The following FGR variants were observed in gnomAD, a reference collection of about 807,000 sequenced individuals.
The protein encoded by FGR is tyrosine-protein kinase Fgr.
In FGR, 26 loss-of-function variants were observed where a neutral mutation model predicts 63.2. That is an observed-to-expected ratio of 0.41 (90% CI 0.30 to 0.57). The LOEUF (loss-of-function observed/expected upper bound fraction) is 0.57, where lower values mean the gene tolerates loss of function less well. FGR is among the 20% of genes least tolerant of loss of function. The probability of loss-of-function intolerance (pLI) is 0.27; values close to 1 mark genes in which losing one functional copy is unlikely to be tolerated. For synonymous variants in FGR, 286 were observed against 277.7 expected, an observed-to-expected ratio of 1.03 and a Z score of -0.30; for missense variants, 511 against 690.8, an observed-to-expected ratio of 0.74 and a Z score of 2.92.
At chr1:27,619,164 G>A (rs1210578678) in intron 5 of FGR, among the ~76,000 whole-genome samples, 3 of 152,176 alleles carry the variant, frequency 2.0e-5, no homozygotes, top group East Asian at 3.9e-4. Context: ...TTCCTTAACC[G>A]TCTATATAGC....
intron 1 of FGR, among the ~76,000 whole-genome samples, chr1:27,628,933 G>A (rs74060732): frequency 0.063 from 9,660 of 152,262 alleles, 687 homozygotes; most frequent in African/African-American, 0.18. Flanking sequence ...ATGCTGAGGC[G>A]TCAGGGGATG....
rs535879337 is a variant in FGR at position 27,627,653 on chromosome 1, G to C, written c.-76-2502C>G. On this transcript the variant is annotated intron_variant, in intron 1 of 12. Coordinates refer to ENST00000374005, the MANE Select transcript of FGR (RefSeq NM_005248.3). ...GAGGGAGTTTCACTCTTGTCACCCA[G>C]GCTGGAGTGCAATGGCATGATCTCA... Among the ~76,000 whole-genome samples, 17 of 152,172 alleles carry C rather than the reference G, an allele frequency of 1.1e-4. No individual in the cohort carries two copies. In the South Asian group the frequency reaches 3.5e-3, roughly 32 times the overall value.
At position 27,617,437 on chromosome 1, in the gene FGR, G is replaced by A; in HGVS notation, c.429-141C>T. 1 of 643,808 alleles carries A rather than the reference G, an allele frequency of 1.6e-6. No homozygotes were observed. Among genetic ancestry groups the A allele is most frequent in the Non-Finnish European group, 2.8e-6 (1 of 356,520 alleles). 39.9% of individuals were successfully genotyped at this position (643,808 alleles called of 1,614,324 possible). A position where few individuals can be genotyped will look rare whatever the true frequency, so the allele number is the denominator to read the frequency against. ...GTACACCTGCTTCACATCCTGGCTG[G>A]GAGGGTTACAGAGAAGGGGAGTGTA... is the stretch of plus-strand genomic sequence containing the variant. On this transcript the variant is annotated intron_variant, in intron 5 of 12. Coordinates refer to ENST00000374005, the MANE Select transcript of FGR (RefSeq NM_005248.3). This position sits in a 1 kb window ranked among gnomAD's most constrained non-coding sequence, Gnocchi z 4.5.
intron 4 of FGR, 35 bp from the exon 5 acceptor site, chr1:27,621,692 C>T: frequency 1.3e-6 from 2 of 1,530,396 alleles, no homozygotes; most frequent in Admixed American, 3.3e-5. Context: ...TCAGCAGCAC[C>T]TCCAGCCCCC....
intron 1 of FGR, among the ~76,000 whole-genome samples, chr1:27,632,080 G>A (rs1451409370): frequency 6.6e-6 from 1 of 150,468 alleles, no homozygotes; most frequent in Non-Finnish European, 1.5e-5. Context: ...CCTTTGCTGA[G>A]GCCCCCACTG....
At chr1:27,622,771 G>T (rs1398204534) in intron 4 of FGR, among the ~76,000 whole-genome samples, 1 of 152,206 alleles carries the variant, frequency 6.6e-6, no homozygotes, top group East Asian at 1.9e-4. Context: ...CTCCCAAAGT[G>T]CTGGGATTAC....
chr1:27,625,870 T>C (rs1278420582), intron 1 of FGR, among the ~76,000 whole-genome samples: 1 of 151,770 alleles, frequency 6.6e-6, no homozygotes, highest in Non-Finnish European at 1.5e-5. Context: ...ACCTGGGAGG[T>C]GGAGCTTGCA....
At position 27,623,805 on chromosome 1, in the gene FGR, G is replaced by T; in HGVS notation, c.112C>A (p.Pro38Thr). 1 of 1,614,206 alleles carries T rather than the reference G, an allele frequency of 6.2e-7. No homozygotes were observed. The highest frequency in any genetic ancestry group is 8.5e-7 in the Non-Finnish European group (1 of 1,180,020). The part of the protein sequence containing the change: ...YGAADHYGPD[P>T]TKARPASSFA... Reference sequence around the variant, plus strand: ...GAGGATGCAGGCCGGGCCTTAGTGGGGTCAGGCCCATAGTGGTCTGCTGCC... The same window carrying T: ...GAGGATGCAGGCCGGGCCTTAGTGGTGTCAGGCCCATAGTGGTCTGCTGCC... Residue 38 changes from proline (P) to threonine (T), a missense_variant, in exon 3 of 13, where the codon CCC (proline) becomes ACC (threonine). Physicochemically the swap from Pro to Thr is conservative, Grantham distance 38 (BLOSUM62 -1). Transcript: ENST00000374005.
Position 27,623,685 on chromosome 1 carries a change from A to T in FGR, c.226+6T>A. On this transcript the variant is annotated splice_donor_region_variant and intron_variant, in intron 3 of 12. Coordinates refer to ENST00000374005, the MANE Select transcript of FGR (RefSeq NM_005248.3). ...GCAGCTCCTGCCTCCGACCCCTTGG[A>T]CTCACCTGACACACCCCTGATGGTG... 1 of 1,613,870 alleles carries T rather than the reference A, an allele frequency of 6.2e-7. No homozygotes were observed. Among genetic ancestry groups the T allele is most frequent in the Non-Finnish European group, 8.5e-7 (1 of 1,179,900 alleles).
intron 5 of FGR, among the ~76,000 whole-genome samples, chr1:27,620,459 A>G (rs1485110208): frequency 6.6e-6 from 1 of 151,918 alleles, no homozygotes; most frequent in Non-Finnish European, 1.5e-5. Context: ...ATAAAAAAAT[A>G]TACAAAAATT....
At chr1:27,631,101 T>A (rs571044800) in intron 1 of FGR, among the ~76,000 whole-genome samples, 1 of 152,148 alleles carries the variant, frequency 6.6e-6, no homozygotes, top group African/African-American at 2.4e-5. Context: ...CTCTTTTGCA[T>A]AGGGGGAAGT....
rs927827271 is a variant in FGR, at chr1:27,621,634, C to T, written c.353G>A (p.Arg118Gln). Residue 118 changes from arginine to glutamine, a missense_variant, in exon 5 of 13, where the codon CGG (arginine) becomes CAG (glutamine). Physicochemically the swap from Arg to Gln is conservative, Grantham distance 43. Transcript: ENST00000374005. Reference sequence around the variant, plus strand: ...GCCAGTTTTTCCGGAGCTGAGAGACCGAGCCTCCCACCAGTCACCTTCACT... The same window carrying T: ...GCCAGTTTTTCCGGAGCTGAGAGACTGAGCCTCCCACCAGTCACCTTCACT... ...NNTEGDWWEA[R>Q]SLSSGKTGCI... 4 of 1,613,706 alleles carry T rather than the reference C, an allele frequency of 2.5e-6. No individual in the cohort carries two copies. The highest frequency in any genetic ancestry group is 2.2e-5 in the East Asian group (1 of 44,888).
chr1:27,627,598 G>T (rs150491803), intron 1 of FGR, among the ~76,000 whole-genome samples: 171 of 152,088 alleles, frequency 1.1e-3, no homozygotes, highest in Middle Eastern at 0.01. Context: ...GATTTAAGTA[G>T]TATTATTATT....
chr1:27,627,730 T>G (rs958000138), intron 1 of FGR, among the ~76,000 whole-genome samples: 3 of 152,150 alleles, frequency 2.0e-5, no homozygotes, highest in Admixed American at 2.0e-4. Flanking sequence ...TGCCTCAGCC[T>G]CCTGAGTAGC....
chr1:27,612,480 T>G lies in FGR; in HGVS notation c.*434A>C, dbSNP rs1282580103. 1 of 165,648 alleles carries G rather than the reference T, an allele frequency of 6.0e-6. No individual in the cohort carries two copies. Among genetic ancestry groups the G allele is most frequent in the Non-Finnish European group, 1.3e-5 (1 of 75,510 alleles). 10.3% of individuals were successfully genotyped at this position (165,648 alleles called of 1,614,324 possible). ...CCAGCCAAGACTTTTCCTGACTTTG[T>G]AACTTACAGACACAAGAGAATAGAG... On this transcript the variant is annotated 3_prime_UTR_variant, in exon 13 of 13. Coordinates refer to ENST00000374005, the MANE Select transcript of FGR (RefSeq NM_005248.3).
At chr1:27,633,684 G>A (rs1377863160) in intron 1 of FGR, among the ~76,000 whole-genome samples, 1 of 152,224 alleles carries the variant, frequency 6.6e-6, no homozygotes, top group Non-Finnish European at 1.5e-5. Flanking sequence ...GAGTAGCTGG[G>A]ACTACAGCAG....
chr1:27,617,214 G>A lies in FGR; in HGVS notation c.511C>T (p.Arg171Trp). Residue 171 changes from arginine (R) to tryptophan (W), a missense_variant, in exon 6 of 13, where the codon CGG becomes TGG. By Grantham distance (101) the Arg-to-Trp change is moderately radical. Transcript: ENST00000374005. The surrounding 1 kb of genome is among the most constrained non-coding windows in gnomAD (Gnocchi z 4.5). The part of the protein sequence containing the change: ...PGNPQGAFLI[R>W]ESETTKGAYS... ...CTACCTTTGGTGGTCTCGCTTTCCCGAATGAGAAAGGCCCCCTGGGGGTTG... is the reference window on the plus strand; with the variant it reads ...CTACCTTTGGTGGTCTCGCTTTCCCAAATGAGAAAGGCCCCCTGGGGGTTG... 3.7e-6 allele frequency: 6 copies of A among 1,614,034 alleles called. No homozygotes were observed. Among genetic ancestry groups the A allele is most frequent in the Non-Finnish European group, 5.1e-6 (6 of 1,179,904 alleles).
At chr1:27,625,737 G>A (rs2090011149) in intron 1 of FGR, among the ~76,000 whole-genome samples, 1 of 152,124 alleles carries the variant, frequency 6.6e-6, no homozygotes, top group Admixed American at 6.5e-5. Context: ...TCAGGAGTTC[G>A]AGACCAGCCT....
chr1:27,625,839 C>T (rs746492466), intron 1 of FGR, among the ~76,000 whole-genome samples: 7 of 151,894 alleles, frequency 4.6e-5, no homozygotes, highest in Non-Finnish European at 8.8e-5. Flanking sequence ...CTTGGGAGGC[C>T]GAGGCAGCAG....
Sources: gnomAD v4.1 joint callset for allele counts (sites outside exome capture counted in the v4.1 genomes callset) on GRCh38, gnomAD v4.1.1 for gene constraint, Gnocchi (gnomAD v3.1) non-coding constraint, MANE v1.5 for transcripts, NCBI Gene and HGNC (gene_info 2026-07-23, HGNC 2026-07-21) for gene names.